Variants in GRID2 observed in about 807,000 individuals in gnomAD.
GRID2 encodes glutamate receptor ionotropic, delta-2.
Under a neutral mutation model 114.8 loss-of-function variants are expected in GRID2, and 33 were observed. That is an observed-to-expected ratio of 0.29 (90% CI 0.22 to 0.38). The LOEUF (loss-of-function observed/expected upper bound fraction) is 0.38. Ranked by LOEUF, GRID2 falls within the 10% of genes least tolerant of loss-of-function variation. The pLI is 1.00. For missense variants in GRID2, 1,184 were observed against 1,257.7 expected, an observed-to-expected ratio of 0.94 and a Z score of 0.89; for synonymous variants, 505 against 449.9, an observed-to-expected ratio of 1.12 and a Z score of -1.55.
In GRID2 at chr4:92,461,496, A is replaced by C. The variant is rs139837348; in HGVS notation, c.89-128635A>C. Among the ~76,000 whole-genome samples, 268 of 152,122 alleles carry C rather than the reference A, an allele frequency of 1.8e-3. 1 individual carries two copies. The highest frequency in any genetic ancestry group is 2.3e-3 in the Non-Finnish European group (156 of 67,926). ...AGAAACTTGAAATGACAAACCCTTC[A>C]ATATGCTTTCTCGATATCTTTCTCA... is the stretch of plus-strand genomic sequence containing the variant. On this transcript the variant is annotated intron_variant, in intron 1 of 15. Transcript: ENST00000282020.
intron 1 of GRID2, among the ~76,000 whole-genome samples, chr4:92,498,936 A>C (rs925543499): frequency 4.0e-5 from 6 of 151,506 alleles, no homozygotes; most frequent in Non-Finnish European, 5.9e-5. Flanking sequence ...GGTAAAAAAA[A>C]AAAAAAAAAC....
At chr4:92,880,295 T>C (rs1444334013) in intron 2 of GRID2, among the ~76,000 whole-genome samples, 3 of 152,188 alleles carry the variant, frequency 2.0e-5, no homozygotes, top group Non-Finnish European at 2.9e-5. Context: ...AGGGGCTTTA[T>C]TTTCCTGTAA....
chr4:92,630,753 T>G (rs1730766270), intron 2 of GRID2, among the ~76,000 whole-genome samples: 1 of 152,108 alleles, frequency 6.6e-6, no homozygotes, highest in Non-Finnish European at 1.5e-5. Context: ...AATTAGGCAT[T>G]GATAAGAGTG....
intron 14 of GRID2, among the ~76,000 whole-genome samples, chr4:93,662,392 A>G (rs1723578962): frequency 6.6e-6 from 1 of 152,182 alleles, no homozygotes; most frequent in Non-Finnish European, 1.5e-5. Flanking sequence ...TATTATGCAA[A>G]CAATAGTCTG....
At chr4:92,854,731 T>C (rs1744059582) in intron 2 of GRID2, among the ~76,000 whole-genome samples, 1 of 151,978 alleles carries the variant, frequency 6.6e-6, no homozygotes, top group Admixed American at 6.6e-5. Context: ...CAAATAAAGG[T>C]ACACAAGTTT....
At chr4:92,613,687 T>C (rs1259992663) in intron 2 of GRID2, among the ~76,000 whole-genome samples, 1 of 151,530 alleles carries the variant, frequency 6.6e-6, no homozygotes, top group East Asian at 1.9e-4. Context: ...AAGTTGTTGA[T>C]AATTTTTTTT....
chr4:92,810,886 G>T (rs919155108), intron 2 of GRID2, among the ~76,000 whole-genome samples: 2 of 152,044 alleles, frequency 1.3e-5, no homozygotes, highest in African/African-American at 4.8e-5. Flanking sequence ...CCGCCTCCCG[G>T]GTTCAAGTGA....
At chr4:93,292,775 T>C (rs1753883705) in intron 8 of GRID2, among the ~76,000 whole-genome samples, 1 of 152,232 alleles carries the variant, frequency 6.6e-6, no homozygotes, top group Non-Finnish European at 1.5e-5. Context: ...ACATAAAGTT[T>C]GGCTTGCAAG....
At chr4:93,297,381 AT>A (rs1234859380) in intron 8 of GRID2, among the ~76,000 whole-genome samples, 3 of 152,238 alleles carry the variant, frequency 2.0e-5, no homozygotes, top group African/African-American at 7.2e-5. Flanking sequence ...GCATATATAT[AT>A]GAAAATGTAT....
chr4:92,951,333 T>TTTTATTTATTTATTTA (rs529155664), intron 2 of GRID2, among the ~76,000 whole-genome samples: 147 of 150,496 alleles, frequency 9.8e-4, no homozygotes, highest in Middle Eastern at 3.4e-3. Context: ...TCGCAAAATT[T>TTTTATTTATTTATTTA]TTTATTTATT....
intron 14 of GRID2, among the ~76,000 whole-genome samples, chr4:93,755,606 T>C (rs148198074): frequency 1.3e-5 from 2 of 152,208 alleles, no homozygotes; most frequent in East Asian, 1.9e-4. Flanking sequence ...TTATTCCTAC[T>C]AAGGAAATAG....
At chr4:93,156,339 G>T (rs1191816434) in intron 4 of GRID2, among the ~76,000 whole-genome samples, 1 of 151,792 alleles carries the variant, frequency 6.6e-6, no homozygotes, top group Non-Finnish European at 1.5e-5. Context: ...AAAAGATTTT[G>T]TTAGCAAGAG....
intron 9 of GRID2, among the ~76,000 whole-genome samples, chr4:93,397,286 C>T (rs1034753528): frequency 6.6e-6 from 1 of 151,828 alleles, no homozygotes; most frequent in Admixed American, 6.6e-5. Flanking sequence ...TATTTCACAA[C>T]TTAAATGTGA....
At chr4:92,797,313 A>G (rs907884615) in intron 2 of GRID2, among the ~76,000 whole-genome samples, 10 of 152,130 alleles carry the variant, frequency 6.6e-5, no homozygotes, top group Admixed American at 2.0e-4. Context: ...TGTAGAAACA[A>G]TGATCATCAC....
chr4:92,353,508 T>C (rs1053451736), intron 1 of GRID2, among the ~76,000 whole-genome samples: 4 of 151,964 alleles, frequency 2.6e-5, no homozygotes, highest in African/African-American at 9.7e-5. Flanking sequence ...GTTTTTGGAG[T>C]CTCTAATCAT....
intron 2 of GRID2, among the ~76,000 whole-genome samples, chr4:93,020,457 A>T (rs1259861553): frequency 6.6e-6 from 1 of 152,210 alleles, no homozygotes; most frequent in Non-Finnish European, 1.5e-5. Context: ...GTTCACATAC[A>T]TATGCCACTG....
At chr4:93,268,733 A>T (rs1751118812) in intron 8 of GRID2, among the ~76,000 whole-genome samples, 1 of 152,204 alleles carries the variant, frequency 6.6e-6, no homozygotes, top group African/African-American at 2.4e-5. Context: ...AGATTTATTA[A>T]ATTATAACCA....
chr4:92,367,738 ATG>A (rs1166103324), intron 1 of GRID2, among the ~76,000 whole-genome samples: 3 of 152,084 alleles, frequency 2.0e-5, no homozygotes, highest in African/African-American at 7.2e-5. Context: ...GATTTTTAAA[ATG>A]TGTCTCTTTG....
At chr4:92,923,553 C>G (rs1011841740) in intron 2 of GRID2, among the ~76,000 whole-genome samples, 4 of 152,102 alleles carry the variant, frequency 2.6e-5, no homozygotes, top group Admixed American at 6.6e-5. Flanking sequence ...ATACTTATTT[C>G]TATTCTGCCA....
Sources: gnomAD v4.1 joint callset for allele counts (sites outside exome capture counted in the v4.1 genomes callset) on GRCh38, gnomAD v4.1.1 for gene constraint, MANE v1.5 for transcripts, NCBI Gene and HGNC (gene_info 2026-07-23, HGNC 2026-07-21) for gene names.